Variants in CNTN5 observed in about 807,000 individuals in gnomAD.
The protein encoded by CNTN5 is contactin-5.
Under a neutral mutation model 129.1 loss-of-function variants are expected in CNTN5, and 77 were observed. That is an observed-to-expected ratio of 0.60 (90% CI 0.50 to 0.72). The LOEUF (loss-of-function observed/expected upper bound fraction) is 0.72, where lower values mean the gene tolerates loss of function less well. Ranked by LOEUF, CNTN5 falls within the 30% of genes least tolerant of loss-of-function variation. CNTN5 has a pLI of 0.00. For synonymous variants in CNTN5, 509 were observed against 465.6 expected (o/e 1.09, Z -1.20); for missense variants, 1,478 against 1,328.8 (o/e 1.11, Z -1.75).
chr11:100,044,271 A>C (rs533097055), intron 9 of CNTN5, among the ~76,000 whole-genome samples: 3 of 152,178 alleles, frequency 2.0e-5, no homozygotes, highest in Admixed American at 1.3e-4. Flanking sequence ...GTTATTGTCA[A>C]CAGTCCCGTG....
intron 1 of CNTN5, among the ~76,000 whole-genome samples, chr11:99,290,293 A>C (rs1205185409): frequency 6.6e-6 from 1 of 151,844 alleles, no homozygotes; most frequent in Admixed American, 6.6e-5. Flanking sequence ...ATTGAATGCA[A>C]ATACTTGTGC....
chr11:99,741,120 G>A (rs893386285), intron 3 of CNTN5, among the ~76,000 whole-genome samples: 2 of 152,014 alleles, frequency 1.3e-5, no homozygotes, highest in African/African-American at 4.8e-5. Flanking sequence ...TACTATCTAA[G>A]TCTGAATCAG....
intron 3 of CNTN5, among the ~76,000 whole-genome samples, chr11:99,599,676 T>G (rs1232206477): frequency 6.6e-6 from 1 of 152,168 alleles, no homozygotes; most frequent in Non-Finnish European, 1.5e-5. Context: ...GACCAAATTC[T>G]TTGTGCAAAT....
Position 99,848,871 on chromosome 11 carries a change from G to T in CNTN5, c.577+3609G>T, listed in dbSNP as rs146923000. Among the ~76,000 whole-genome samples the T allele has an allele frequency of 6.6e-3, 1,002 of 152,218 alleles. 10 individuals carry two copies. Among genetic ancestry groups the T allele is most frequent in the African/African-American group, 0.023 (938 of 41,558 alleles). ...TTGAGGTACCAACCAAATGAGTTTT[G>T]ATTGCCTCTTTCAAATTCGAGATCT... is the stretch of plus-strand genomic sequence containing the variant. On this transcript the variant is annotated intron_variant, in intron 6 of 24. Coordinates refer to ENST00000524871, the MANE Select transcript of CNTN5 (RefSeq NM_014361.4).
chr11:99,800,318 G>T (rs1175459276), intron 3 of CNTN5, among the ~76,000 whole-genome samples: 1 of 152,040 alleles, frequency 6.6e-6, no homozygotes, highest in Non-Finnish European at 1.5e-5. Context: ...GAATATGGTT[G>T]CTATAATTTC....
intron 2 of CNTN5, among the ~76,000 whole-genome samples, chr11:99,372,026 ATC>A (rs1189556606): frequency 6.6e-6 from 1 of 152,244 alleles, no homozygotes; most frequent in East Asian, 1.9e-4. Context: ...GCGAAAGAGA[ATC>A]CACATAAGGT....
At position 99,203,799 on chromosome 11, in the gene CNTN5, T is replaced by C. The variant is rs548388157; in HGVS notation, c.-209-121547T>C. Among the ~76,000 whole-genome samples the C allele has an allele frequency of 3.3e-5, 5 of 152,230 alleles. No homozygotes were observed. In the South Asian group the frequency reaches 8.3e-4, roughly 25 times the overall value. On this transcript the variant is annotated intron_variant, in intron 1 of 24. Transcript: ENST00000524871. ...TTTTTAGTAGAGATGGGTTTTGCCATGTTGGCCACACTAGTCTTGAACTCC... is the reference window on the plus strand; with the variant it reads ...TTTTTAGTAGAGATGGGTTTTGCCACGTTGGCCACACTAGTCTTGAACTCC...
chr11:99,500,420 A>AT (rs1946384636), intron 2 of CNTN5, among the ~76,000 whole-genome samples: 1 of 152,092 alleles, frequency 6.6e-6, no homozygotes, highest in South Asian at 2.1e-4. Context: ...TGGAAAAAAT[A>AT]TTTTTTTCTA....
At chr11:99,423,938 T>C (rs1943007045) in intron 2 of CNTN5, among the ~76,000 whole-genome samples, 1 of 152,160 alleles carries the variant, frequency 6.6e-6, no homozygotes, top group African/African-American at 2.4e-5. Flanking sequence ...GTTTGAATGA[T>C]ATTAAAACCT....
At chr11:99,752,286 T>C (rs1339135362) in intron 3 of CNTN5, among the ~76,000 whole-genome samples, 1 of 152,314 alleles carries the variant, frequency 6.6e-6, no homozygotes, top group Non-Finnish European at 1.5e-5. Flanking sequence ...ATCTTACCCA[T>C]TTCTCTATGA....
intron 2 of CNTN5, among the ~76,000 whole-genome samples, chr11:99,449,688 A>ACTTGGACAG (rs1462892734): frequency 6.6e-6 from 1 of 152,174 alleles, no homozygotes; most frequent in African/African-American, 2.4e-5. Flanking sequence ...AACTGGTTCA[A>ACTTGGACAG]CTTGGACAGC....
chr11:99,541,956 C>CAAAAAAA (rs56363127), intron 2 of CNTN5, among the ~76,000 whole-genome samples: 86 of 68,774 alleles, frequency 1.3e-3, no homozygotes, highest in Non-Finnish European at 1.7e-3. Context: ...GATCTTGTCT[C>CAAAAAAA]AAAAAAAAAA....
At chr11:99,160,853 T>C (rs2135513355) in intron 1 of CNTN5, among the ~76,000 whole-genome samples, 1 of 152,286 alleles carries the variant, frequency 6.6e-6, no homozygotes, top group East Asian at 1.9e-4. Context: ...CAGAAAGAGA[T>C]ACATATTACA....
intron 2 of CNTN5, among the ~76,000 whole-genome samples, chr11:99,438,641 A>T (rs1422507960): frequency 1.3e-5 from 2 of 152,300 alleles, no homozygotes; most frequent in South Asian, 2.1e-4. Flanking sequence ...CATAAAAATT[A>T]TCTAAAGAGG....
At chr11:99,411,634 C>T (rs1942398634) in intron 2 of CNTN5, among the ~76,000 whole-genome samples, 1 of 152,102 alleles carries the variant, frequency 6.6e-6, no homozygotes, top group African/African-American at 2.4e-5. Context: ...AGAACTTCCA[C>T]CCAGGAGACT....
chr11:99,630,499 C>T (rs765203912), intron 3 of CNTN5, among the ~76,000 whole-genome samples: 2 of 151,838 alleles, frequency 1.3e-5, no homozygotes, highest in African/African-American at 4.8e-5. Flanking sequence ...TTCACCACCC[C>T]GCACCCCCAT....
chr11:99,393,316 G>A (rs185075815), intron 2 of CNTN5, among the ~76,000 whole-genome samples: 108 of 151,956 alleles, frequency 7.1e-4, no homozygotes, highest in African/African-American at 2.3e-3. Context: ...AACAAGCATG[G>A]ATTGGAGACA....
intron 3 of CNTN5, among the ~76,000 whole-genome samples, chr11:99,689,540 A>AG (rs1051983049): frequency 1.1e-4 from 16 of 149,578 alleles, no homozygotes; most frequent in Non-Finnish European, 2.1e-4. Flanking sequence ...GAAAAAAAAA[A>AG]AAAAAAAAAA....
chr11:99,692,662 C>G (rs1055406609), intron 3 of CNTN5, among the ~76,000 whole-genome samples: 3 of 151,930 alleles, frequency 2.0e-5, no homozygotes, highest in Non-Finnish European at 4.4e-5. Flanking sequence ...TGGCATCCCT[C>G]AATATTTTTT....
Sources: gnomAD v4.1 joint callset for allele counts (sites outside exome capture counted in the v4.1 genomes callset) on GRCh38, gnomAD v4.1.1 for gene constraint, MANE v1.5 for transcripts, NCBI Gene and HGNC (gene_info 2026-07-23, HGNC 2026-07-21) for gene names.